ADGRF5: variants seen among roughly 807,000 people sequenced by gnomAD.
ADGRF5 encodes G-protein coupled receptor 116.
A neutral mutation model predicts 132.3 loss-of-function variants in ADGRF5; 75 were observed. The ratio of observed to expected loss-of-function variants is 0.57; its 90% CI spans 0.47 to 0.69. ADGRF5 has a LOEUF of 0.69. ADGRF5 is among the 30% of genes least tolerant of loss of function. The pLI is 0.00. For synonymous variants in ADGRF5, 629 were observed against 597.6 expected (o/e 1.05, Z -0.77); for missense variants, 1,516 against 1,630.6 (o/e 0.93, Z 1.21).
At chr6:46,895,002 C>T (rs903717342) in intron 3 of ADGRF5, among the ~76,000 whole-genome samples, 1 of 152,066 alleles carries the variant, frequency 6.6e-6, no homozygotes, top group African/African-American at 2.4e-5. Flanking sequence ...CACAGTGAAA[C>T]CTGTTTCTAC....
chr6:46,865,547 G>A (rs913144357), intron 13 of ADGRF5, among the ~76,000 whole-genome samples: 6 of 152,162 alleles, frequency 3.9e-5, no homozygotes, highest in African/African-American at 1.4e-4. Flanking sequence ...CTATTCATGA[G>A]TTTGTCTTCT....
At chr6:46,907,623 A>G (rs1037065707) in intron 1 of ADGRF5, among the ~76,000 whole-genome samples, 6 of 152,150 alleles carry the variant, frequency 3.9e-5, no homozygotes, top group African/African-American at 1.4e-4. Context: ...CACACGGAAT[A>G]ACCTCCACCC....
chr6:46,911,826 C>T (rs771031755), intron 1 of ADGRF5, among the ~76,000 whole-genome samples: 3 of 152,040 alleles, frequency 2.0e-5, no homozygotes, highest in Admixed American at 1.3e-4. Context: ...AACAAGACAA[C>T]GGTCCCTGTC....
rs1203541791 is a variant in ADGRF5, at chr6:46,917,187, G to A, written c.-25+4526C>T. Among the ~76,000 whole-genome samples, 10 of 152,328 alleles carry A rather than the reference G, an allele frequency of 6.6e-5. No individual in the cohort carries two copies. The East Asian group carries it at 1.3e-3, about 21-fold the overall frequency. Reference sequence around the variant, plus strand: ...TTCATTTTACAGATGAAGAAACTGAGCCTTGGCTAAACAAACACACTTGGC... The same window carrying A: ...TTCATTTTACAGATGAAGAAACTGAACCTTGGCTAAACAAACACACTTGGC... On this transcript the variant is annotated intron_variant, in intron 1 of 20. Transcript: ENST00000283296.
intron 1 of ADGRF5, among the ~76,000 whole-genome samples, chr6:46,917,268 C>T (rs1776496949): frequency 6.6e-6 from 1 of 152,198 alleles, no homozygotes; most frequent in African/African-American, 2.4e-5. Flanking sequence ...CATATTGTCT[C>T]TTATTTTGTC....
intron 3 of ADGRF5, among the ~76,000 whole-genome samples, chr6:46,899,752 G>T (rs1370590006): frequency 3.3e-5 from 5 of 151,908 alleles, no homozygotes; most frequent in Non-Finnish European, 7.4e-5. Flanking sequence ...GTGCGGGAGG[G>T]CAGCTGAGGA....
intron 16 of ADGRF5, 52 bp downstream of exon 16, chr6:46,860,663 G>A: frequency 1.5e-6 from 2 of 1,304,660 alleles, no homozygotes; most frequent in Non-Finnish European, 2.2e-6. Context: ...TACAAATTCT[G>A]AGGGGTGAAA....
At chr6:46,899,429 G>A (rs1051837653) in intron 3 of ADGRF5, among the ~76,000 whole-genome samples, 4 of 152,114 alleles carry the variant, frequency 2.6e-5, no homozygotes, top group African/African-American at 4.8e-5. Flanking sequence ...CCCAGCCTGC[G>A]GCCCTGACCT....
intron 1 of ADGRF5, among the ~76,000 whole-genome samples, chr6:46,932,518 A>C (rs1431309628): frequency 6.6e-6 from 1 of 152,168 alleles, no homozygotes. Flanking sequence ...GTGCACATTA[A>C]TGCCCCCTGA....
intron 2 of ADGRF5, among the ~76,000 whole-genome samples, chr6:46,905,931 T>C (rs7763777): frequency 0.065 from 9,830 of 152,280 alleles, 702 homozygotes; most frequent in African/African-American, 0.17. Flanking sequence ...AGTACTACTA[T>C]TAGCATCATT....
At chr6:46,855,188 T>C (rs535568937) in intron 20 of ADGRF5, among the ~76,000 whole-genome samples, 65 of 152,204 alleles carry the variant, frequency 4.3e-4, no homozygotes, top group South Asian at 6.2e-4. Flanking sequence ...CTGTGAATAT[T>C]TTTTTTTCAG....
At chr6:46,912,862 G>T (rs901039207) in intron 1 of ADGRF5, among the ~76,000 whole-genome samples, 1 of 152,018 alleles carries the variant, frequency 6.6e-6, no homozygotes, top group Admixed American at 6.6e-5. Context: ...TAAAAAAAAT[G>T]CAAGTTAGCT....
intron 6 of ADGRF5, 127 bp downstream of exon 6, chr6:46,883,432 T>C (rs1488726203): frequency 1.6e-6 from 1 of 636,470 alleles, no homozygotes; most frequent in Non-Finnish European, 2.8e-6. Flanking sequence ...CCATCTCAGA[T>C]GTAAAAGAAT....
intron 15 of ADGRF5, among the ~76,000 whole-genome samples, chr6:46,862,099 G>A (rs1769823246): frequency 6.6e-6 from 1 of 151,966 alleles, no homozygotes; most frequent in Non-Finnish European, 1.5e-5. Context: ...AATAAATTTG[G>A]TGTGAGACAA....
At chr6:46,871,451 G>A (rs979639766) in intron 11 of ADGRF5, among the ~76,000 whole-genome samples, 1 of 152,100 alleles carries the variant, frequency 6.6e-6, no homozygotes, top group Non-Finnish European at 1.5e-5. Flanking sequence ...CAGGCTGTTG[G>A]AATTCAAGAA....
chr6:46,862,729 T>TTTTTTTTTTTTTTTTG (rs1769923094), intron 15 of ADGRF5, among the ~76,000 whole-genome samples, 159 bp downstream of exon 15: 3 of 101,618 alleles, frequency 3.0e-5, no homozygotes, highest in Non-Finnish European at 6.6e-5. Flanking sequence ...TTTTTTTTTT[T>TTTTTTTTTTTTTTTTG]GCATTTCTAG....
At chr6:46,902,158 T>G (rs220698) in intron 2 of ADGRF5, among the ~76,000 whole-genome samples, 140,692 of 152,308 alleles carry the variant, frequency 0.92, 65,087 homozygotes, top group African/African-American at 0.96. Context: ...TATAGGACTG[T>G]TTCCAGCCCA....
chr6:46,899,947 A>G, intron 3 of ADGRF5, 82 bp downstream of exon 3: 6 of 942,818 alleles, frequency 6.4e-6, no homozygotes, highest in Non-Finnish European at 3.5e-6. Context: ...TGAATTATGT[A>G]GACTACAATG....
rs1554131431 is a variant in ADGRF5 at position 46,953,663 on chromosome 6, A to ATATATATAGATATATG, written c.-25+1070_-25+1071insCATATATCTATATATA. ...TATAGATATATGTGTATATATATAT[A>ATATATATAGATATATG]TATATATATATATATATATATATAT... On this transcript the variant is annotated intron_variant, in intron 1 of 20. Coordinates refer to the ADGRF5 transcript ENST00000265417. Among the ~76,000 whole-genome samples, 318 of 127,696 alleles carry ATATATATAGATATATG rather than the reference A, an allele frequency of 2.5e-3. 7 individuals carry two copies. Among genetic ancestry groups the ATATATATAGATATATG allele is most frequent in the African/African-American group, 0.01 (302 of 29,954 alleles). The allele number at this position is 127,696 out of a possible 152,430, so 83.8% of individuals were successfully genotyped here. A position where few individuals can be genotyped will look rare whatever the true frequency, so the allele number is the denominator to read the frequency against.
Sources: allele counts gnomAD v4.1 joint callset (sites outside exome capture counted in the v4.1 genomes callset), GRCh38; gene constraint gnomAD v4.1.1; transcripts MANE v1.5; gene names NCBI Gene and HGNC (gene_info 2026-07-23, HGNC 2026-07-21).